XIST: variants seen among roughly 807,000 people sequenced by gnomAD.
XIST encodes X inactive specific transcript.
At chrX:73,846,939 A>G (rs1409636450) in exon 1 of XIST, 4 of 557,990 alleles carry the variant, frequency 7.2e-6, no homozygotes, top group Non-Finnish European at 1.3e-5. Context: ...CTGCAATTAC[A>G]TGCCATCTAC....
chrX:73,848,831 T>C (rs748922551), exon 1 of XIST: 7 of 556,713 alleles, frequency 1.3e-5, no homozygotes, highest in Admixed American at 1.1e-4. Context: ...AGTGGGACTA[T>C]GGGCAATTAG....
chrX:73,822,868 T>C (rs898867661), exon 6 of XIST: 2 of 558,535 alleles, frequency 3.6e-6, no homozygotes, highest in East Asian at 6.5e-5. Flanking sequence ...ATCGAACATA[T>C]CACAGCTACT....
chrX:73,850,665 A>G, exon 1 of XIST: 1 of 429,063 alleles, frequency 2.3e-6, no homozygotes, highest in South Asian at 2.8e-5. Context: ...GCAACAGTGC[A>G]GTGCAGGGCA....
intron 1 of XIST, among the ~76,000 whole-genome samples, chrX:73,838,651 T>C (rs1427621425): frequency 9.0e-6 from 1 of 111,366 alleles, no homozygotes; most frequent in Non-Finnish European, 1.9e-5. Context: ...AAGTAAAGCC[T>C]AAGTCACCAA....
chrX:73,827,136 G>A (rs1267211014), exon 6 of XIST: 1 of 556,458 alleles, frequency 1.8e-6, no homozygotes, highest in Non-Finnish European at 3.2e-6. Flanking sequence ...CCCTACTTGA[G>A]TTCTGGGTTT....
chrX:73,836,739 G>C (rs986096574), intron 2 of XIST, among the ~76,000 whole-genome samples: 1 of 110,966 alleles, frequency 9.0e-6, no homozygotes, highest in African/African-American at 3.3e-5. Context: ...AAGTATCAAG[G>C]CTCCTTGCAG....
chrX:73,845,916 C>T (rs187211394), exon 1 of XIST: 70 of 556,263 alleles, frequency 1.3e-4, no homozygotes, highest in East Asian at 1.0e-3. Flanking sequence ...CCTTGGTGAT[C>T]AGCACCCCTG....
At chrX:73,841,239 T>C (rs1420668362) in intron 1 of XIST, 1 of 371,239 alleles carries the variant, frequency 2.7e-6, no homozygotes, top group Non-Finnish European at 4.6e-6. Flanking sequence ...TATCTATTTC[T>C]CTCTCTATAT....
rs1204323192 is a variant in XIST at position 73,848,941 on chromosome X, T to C, written n.3783A>G. ...GGGTCTTCTCTGTTACGCAGAACCA[T>C]GAATAATTACTATTGTATCCATTAA... On this transcript the variant is annotated non_coding_transcript_exon_variant, in exon 1 of 6. Transcript: ENST00000429829. 10 of 556,883 alleles carry C rather than the reference T, an allele frequency of 1.8e-5. No individual in the cohort carries two copies. The East Asian group carries it at 3.2e-4, about 18-fold the overall frequency. 45.9% of individuals were successfully genotyped at this position (556,883 alleles called of 1,213,427 possible).
At chrX:73,835,206 C>T (rs1320385486) in intron 2 of XIST, among the ~76,000 whole-genome samples, 1 of 111,526 alleles carries the variant, frequency 9.0e-6, no homozygotes, top group African/African-American at 3.3e-5. Context: ...TTTCACAATA[C>T]TCTCATTTCA....
At chrX:73,833,442 A>T in intron 2 of XIST, 1 of 484,541 alleles carries the variant, frequency 2.1e-6, no homozygotes, top group Non-Finnish European at 3.6e-6. Context: ...AGTTACAAAA[A>T]CCCCAATGAA....
chrX:73,846,027 C>G, exon 1 of XIST: 1 of 549,052 alleles, frequency 1.8e-6, no homozygotes, highest in Non-Finnish European at 3.3e-6. Flanking sequence ...TGGTCACTTA[C>G]AACTGTGCAC....
At chrX:73,826,125 A>G (rs1202017050) in exon 6 of XIST, 1 of 559,203 alleles carries the variant, frequency 1.8e-6, no homozygotes, top group South Asian at 2.2e-5. Context: ...CTAAGCTCAA[A>G]GAAGGAAGCT....
At chrX:73,821,315 A>G (rs750861251) in exon 6 of XIST, 1 of 553,661 alleles carries the variant, frequency 1.8e-6, no homozygotes, top group African/African-American at 2.2e-5. Flanking sequence ...TAGAAACTAC[A>G]GTTCAGATGC....
chrX:73,845,816 T>TG (rs1922741353), exon 1 of XIST: 14 of 121,822 alleles, frequency 1.1e-4, no homozygotes, highest in African/African-American at 2.1e-4. Flanking sequence ...AGACTGGGAG[T>TG]GGGGGTGGGG....
chrX:73,848,708 T>G (rs767289483), exon 1 of XIST: 7 of 557,149 alleles, frequency 1.3e-5, no homozygotes, highest in Non-Finnish European at 2.3e-5. Context: ...GAATCCATTT[T>G]TATTGCACAG....
chrX:73,840,398 T>C (rs751406885), intron 1 of XIST, among the ~76,000 whole-genome samples: 7 of 111,438 alleles, frequency 6.3e-5, no homozygotes, highest in Non-Finnish European at 1.3e-4. Context: ...ACTTATATGG[T>C]TCTTGTTGCT....
At chrX:73,846,370 C>T (rs756675990) in exon 1 of XIST, 19 of 557,514 alleles carry the variant, frequency 3.4e-5, no homozygotes, top group Non-Finnish European at 5.8e-5. Context: ...GTGGGCACTC[C>T]CTGCTGGAAG....
chrX:73,850,769 G>T, exon 1 of XIST: 1 of 317,567 alleles, frequency 3.1e-6, no homozygotes. Context: ...GGGGGGTGGG[G>T]GGGGAGGTAT....
Sources: gnomAD v4.1 joint callset for allele counts (sites outside exome capture counted in the v4.1 genomes callset) on GRCh38, gnomAD v4.1.1 for gene constraint, MANE v1.5 for transcripts, NCBI Gene and HGNC (gene_info 2026-07-23, HGNC 2026-07-21) for gene names.